The following EP400 variants were observed in gnomAD, a reference collection of about 807,000 sequenced individuals.
EP400 encodes E1A-binding protein p400.
In EP400, 105 loss-of-function variants were observed where a neutral mutation model predicts 354.1. The observed-to-expected ratio is 0.30, with a 90% CI of 0.25 to 0.35. EP400 has a LOEUF of 0.35. Ranked by LOEUF, EP400 falls within the 10% of genes least tolerant of loss-of-function variation. The pLI, the probability that EP400 is intolerant of heterozygous loss-of-function variation, is 1.00. For missense variants in EP400, 3,280 were observed against 4,121.0 expected, an observed-to-expected ratio of 0.80 and a Z score of 5.59; for synonymous variants, 1,646 against 1,716.9, an observed-to-expected ratio of 0.96 and a Z score of 1.02.
rs959022422 is a variant in EP400 at position 132,052,747 on chromosome 12, G to A, written c.7395-399G>A. ...GGAGCCTGGGCATTCTCGGGGGAGC[G>A]AGAGAGGCACAGTCCCGCCCTCCCT... On this transcript the variant is annotated intron_variant, in intron 41 of 52. Coordinates refer to ENST00000389561, the MANE Select transcript of EP400 (RefSeq NM_015409.5). This position sits in a 1 kb window ranked among gnomAD's most constrained non-coding sequence, Gnocchi z 4.4. 3.9e-5 allele frequency among the ~76,000 whole-genome samples: 6 copies of A among 152,134 alleles called. No individual in the cohort carries two copies. The highest frequency in any genetic ancestry group is 1.2e-4 in the African/African-American group (5 of 41,436).
At chr12:132,015,722 A>G (rs753069381) in intron 19 of EP400, among the ~76,000 whole-genome samples, 1 of 152,042 alleles carries the variant, frequency 6.6e-6, no homozygotes, top group Non-Finnish European at 1.5e-5. Context: ...CCTCAAGCAC[A>G]TTTTCCTCTT....
intron 1 of EP400, among the ~76,000 whole-genome samples, chr12:131,960,192 A>G (rs1180784842): frequency 6.6e-6 from 1 of 152,196 alleles, no homozygotes; most frequent in East Asian, 1.9e-4. Context: ...GTGGCCTTGA[A>G]CAGCTCACAG....
Position 131,981,533 on chromosome 12 carries a change from G to A in EP400, c.1480G>A (p.Val494Ile). The A allele has an allele frequency of 6.3e-7, 1 of 1,599,182 alleles. No individual in the cohort carries two copies. The highest frequency in any genetic ancestry group is 1.1e-5 in the South Asian group (1 of 87,964). The change falls in exon 4 of 53, where the codon GTT becomes ATT. Residue 494 changes from valine to isoleucine, a missense_variant. Around this residue, in one of 20 missense-constraint regions of EP400, gnomAD observed 800 missense variants for 840.0 expected, o/e 0.95. Transcript: ENST00000389561. ...CCTTGAAGTGGGTCACCAAGGGGTA[G>A]TTTTCCAGCACCCAGGGGCGGACGC... Reference protein sequence around the residue: ...PRLEVGHQGVVFQHPGADAGV... With the variant: ...PRLEVGHQGVIFQHPGADAGV...
intron 15 of EP400, among the ~76,000 whole-genome samples, chr12:132,009,699 G>C (rs1178388056): frequency 1.3e-5 from 2 of 152,158 alleles, no homozygotes; most frequent in Non-Finnish European, 2.9e-5. Flanking sequence ...ACAGGTGTCT[G>C]CTCAGGCTAG....
intron 23 of EP400, among the ~76,000 whole-genome samples, chr12:132,022,334 T>A (rs1894146681): frequency 1.3e-5 from 2 of 152,342 alleles, no homozygotes; most frequent in South Asian, 4.1e-4. Flanking sequence ...ACAAGGAGGA[T>A]TGTTGAGAGA....
Position 131,986,798 on chromosome 12 carries a change from A to C in EP400, c.2214A>C (p.Gln738His). The C allele has an allele frequency of 6.2e-7, 1 of 1,606,278 alleles. No homozygotes were observed. The highest frequency in any genetic ancestry group is 1.3e-5 in the African/African-American group (1 of 74,748). ...QDSSQDTLTE[Q>H]ITLENQVHQR... The stretch of plus-strand genomic sequence containing the variant: ...GTTCTCAGGATACGCTGACAGAACA[A>C]ATAACTCTGGTAAGCATGCTTAAGA... The change falls in exon 6 of 53, where the codon CAA (glutamine) becomes CAC (histidine). Residue 738 changes from glutamine to histidine, a missense_variant. Gln to His is a conservative substitution (Grantham distance 24). This residue lies in a region of EP400 where 800 missense variants were observed against 840.0 expected (regional missense o/e 0.95). Transcript: ENST00000389561.
intron 12 of EP400, among the ~76,000 whole-genome samples, chr12:131,999,327 A>T (rs1893327990): frequency 6.6e-6 from 1 of 152,104 alleles, no homozygotes; most frequent in Non-Finnish European, 1.5e-5. Flanking sequence ...GACTATGATG[A>T]TACCTTTAAT....
At chr12:131,962,578 A>T (rs1204247612) in intron 2 of EP400, among the ~76,000 whole-genome samples, 3 of 152,220 alleles carry the variant, frequency 2.0e-5, no homozygotes, top group Admixed American at 2.0e-4. Context: ...AAGATTTGAG[A>T]TCATACTTTA....
Position 132,005,147 on chromosome 12 carries a change from G to T in EP400, c.2898G>T (p.Arg966=). 6.3e-7 allele frequency: 1 copy of T among 1,584,524 alleles called. No individual in the cohort carries two copies. ...TCCTGCCGAGTTCTCAGTGGCCCCG[G>T]CCGAAGCCTGATGGGGAGGACACAA... is the stretch of plus-strand genomic sequence containing the variant. ...GAFLPSSQWP[R]PKPDGEDTSG... is the part of the protein sequence containing the mutation. Residue 966 remains arginine, a synonymous_variant, in exon 13 of 53, where the codon CGG becomes CGT. Coordinates refer to ENST00000389561, the MANE Select transcript of EP400 (RefSeq NM_015409.5).
At position 132,012,345 on chromosome 12, in the gene EP400, G is replaced by A. The variant is rs117706220; in HGVS notation, c.3442-664G>A. Among the ~76,000 whole-genome samples the A allele has an allele frequency of 6.4e-4, 97 of 152,326 alleles. 1 individual carries two copies. In the East Asian group the frequency reaches 0.016, roughly 25 times the overall value. ...TGTGAAGTCCAAGATCCAGATGCCA[G>A]CAGATTTAGTGTCTGGTGAGGGCCT... is the stretch of plus-strand genomic sequence containing the variant. On this transcript the variant is annotated intron_variant, in intron 16 of 52. Transcript: ENST00000389561.
intron 29 of EP400, 77 bp downstream of exon 29, chr12:132,030,235 G>A (rs1894443763): frequency 2.0e-6 from 3 of 1,520,862 alleles, no homozygotes; most frequent in Admixed American, 1.8e-5. Context: ...TGTAAATTCA[G>A]TGGTCTCATG....
chr12:131,982,459 A>G lies in EP400; in HGVS notation c.1910A>G (p.Gln637Arg), dbSNP rs1025898085. ...TPGKVQVQASQLSSLPQMVAS... is the reference protein window; with the variant it reads ...TPGKVQVQASRLSSLPQMVAS... ...GGAAAGGTGCAGGTGCAGGCCTCTC[A>G]GCTTTCCTCCCTGCCACAGGTATGA... The change falls in exon 5 of 53, where the codon CAG (glutamine) becomes CGG (arginine). Residue 637 changes from glutamine (Q) to arginine (R), a missense_variant. By Grantham distance (43) the Gln-to-Arg change is conservative. Transcript: ENST00000389561. The G allele has an allele frequency of 1.9e-6, 3 of 1,606,054 alleles. No homozygotes were observed. Among genetic ancestry groups the G allele is most frequent in the East Asian group, 2.2e-5 (1 of 44,646 alleles).
rs545739801 is a variant in EP400, at chr12:132,001,567, A to T, written c.2828-3510A>T. On this transcript the variant is annotated intron_variant, in intron 12 of 52. Transcript: ENST00000389561. ...TGACTGATGTCAGGGCCTCCACAAGAGGTGGAGGAGTAGAGTCTTCTCTAA... is the reference window on the plus strand; with the variant it reads ...TGACTGATGTCAGGGCCTCCACAAGTGGTGGAGGAGTAGAGTCTTCTCTAA... 2.6e-5 allele frequency among the ~76,000 whole-genome samples: 4 copies of T among 152,244 alleles called. 1 individual carries two copies. The East Asian group carries it at 7.7e-4, about 29-fold the overall frequency.
chr12:132,058,508 T>C (rs1380751650), intron 45 of EP400, among the ~76,000 whole-genome samples: 1 of 152,044 alleles, frequency 6.6e-6, no homozygotes, highest in Admixed American at 6.5e-5. Flanking sequence ...CCCGCCACCG[T>C]ACCTGGCTAA....
chr12:132,077,309 C>T (rs1896266755), intron 52 of EP400, 92 bp from the exon 53 acceptor site: 1 of 1,487,418 alleles, frequency 6.7e-7, no homozygotes, highest in Non-Finnish European at 9.1e-7. Flanking sequence ...AGTGAAGTTT[C>T]TCGAGTCCTC....
At chr12:131,997,346 G>A (rs1398286133) in intron 12 of EP400, among the ~76,000 whole-genome samples, 1 of 149,988 alleles carries the variant, frequency 6.7e-6, no homozygotes, top group African/African-American at 2.5e-5. Context: ...ACAGCTCATT[G>A]CAGCCTTGAC....
At chr12:132,024,419 G>C (rs954145297) in intron 24 of EP400, among the ~76,000 whole-genome samples, 1 of 152,164 alleles carries the variant, frequency 6.6e-6, no homozygotes, top group Admixed American at 6.5e-5. Context: ...TCTAATATAG[G>C]TGTGAGACAA....
chr12:131,970,448 G>A (rs936112630), intron 2 of EP400, among the ~76,000 whole-genome samples: 4 of 152,222 alleles, frequency 2.6e-5, no homozygotes, highest in African/African-American at 9.6e-5. Flanking sequence ...GACCCAGCAC[G>A]ATGCTCTAGA....
At position 132,075,186 on chromosome 12, in the gene EP400, C is replaced by T. The variant is rs1394400419; in HGVS notation, c.9022-1330C>T. Among the ~76,000 whole-genome samples, 1 of 152,140 alleles carries T rather than the reference C, an allele frequency of 6.6e-6. No individual in the cohort carries two copies. On this transcript the variant is annotated intron_variant, in intron 51 of 52. Transcript: ENST00000389561. The surrounding 1 kb of genome is among the most constrained non-coding windows in gnomAD (Gnocchi z 4.5). ...CCTTTGTGGGTACAGTGTCTCCCTC[C>T]AGGATGGCAGCTGGCAGTAGCACGG...
Sources: gnomAD v4.1 joint callset for allele counts (sites outside exome capture counted in the v4.1 genomes callset) on GRCh38, gnomAD v4.1.1 for gene constraint, gnomAD v4.1.1 regional missense constraint, Gnocchi (gnomAD v3.1) non-coding constraint, MANE v1.5 for transcripts, NCBI Gene and HGNC (gene_info 2026-07-23, HGNC 2026-07-21) for gene names.